ZNF438: variants seen among roughly 807,000 people sequenced by gnomAD.
ZNF438 encodes the protein zinc finger protein 438.
A neutral mutation model predicts 38.0 loss-of-function variants in ZNF438; 25 were observed. The observed-to-expected ratio is 0.66, with a 90% CI of 0.48 to 0.92. The LOEUF is 0.92. ZNF438 is among the 40% of genes least tolerant of loss of function. The pLI is 0.00. For missense variants in ZNF438, 1,007 were observed against 999.6 expected (o/e 1.01, Z -0.10); for synonymous variants, 372 against 364.1 (o/e 1.02, Z -0.25).
Position 30,861,064 on chromosome 10 carries a change from T to C in ZNF438, c.38-10697A>G, listed in dbSNP as rs1202295825. Among the ~76,000 whole-genome samples the C allele has an allele frequency of 2.6e-5, 4 of 152,244 alleles. No individual in the cohort carries two copies. The East Asian group carries it at 7.7e-4, about 29-fold the overall frequency. The stretch of plus-strand genomic sequence containing the variant: ...AGCCCCTAAAATGGACTAAATGAGA[T>C]ATATAAATACAGTTGTCCCTTACCA... On this transcript the variant is annotated intron_variant, in intron 4 of 5. Coordinates refer to ENST00000413025, the Ensembl canonical transcript of ZNF438.
In ZNF438 at chr10:30,849,458, C is replaced by T. The variant is rs781336854; in HGVS notation, c.947G>A (p.Gly316Asp). ...GGCCTTAGGTCCTGGTAAAGAAAAA[C>T]CTGCAATGTTAGCATCTGATTTGAT... Residue 316 changes from glycine to aspartate, a missense_variant, in exon 5 of 6, where the codon GGT (glycine) becomes GAT (aspartate). Physicochemically the swap from Gly to Asp is moderately conservative, Grantham distance 94. Transcript: ENST00000413025. 6.8e-6 allele frequency: 11 copies of T among 1,614,062 alleles called. No individual in the cohort carries two copies. In the East Asian group the frequency reaches 2.5e-4, roughly 36 times the overall value.
chr10:30,905,293 T>C (rs1322259972), intron 3 of ZNF438, among the ~76,000 whole-genome samples: 1 of 152,242 alleles, frequency 6.6e-6, no homozygotes, highest in African/African-American at 2.4e-5. Context: ...TTTTTGTCCA[T>C]ATTTAAATTA....
At chr10:30,862,710 T>C (rs529645997) in intron 4 of ZNF438, among the ~76,000 whole-genome samples, 12 of 152,274 alleles carry the variant, frequency 7.9e-5, no homozygotes, top group African/African-American at 2.4e-4. Flanking sequence ...AACAGAAAGA[T>C]AAGGTTTCAA....
chr10:30,928,561 C>CAAA (rs574963145), intron 2 of ZNF438, among the ~76,000 whole-genome samples: 313 of 109,494 alleles, frequency 2.9e-3, no homozygotes, highest in Non-Finnish European at 3.8e-3. Context: ...AACGTTTGGA[C>CAAA]AAAAAAAAAA....
intron 1 of ZNF438, among the ~76,000 whole-genome samples, chr10:30,949,761 C>T (rs1205934157): frequency 6.6e-6 from 1 of 151,596 alleles, no homozygotes; most frequent in Non-Finnish European, 1.5e-5. Flanking sequence ...TCCTGAGTGA[C>T]CTACAAAGAG....
intron 4 of ZNF438, among the ~76,000 whole-genome samples, chr10:30,853,097 A>G (rs1318255915): frequency 6.6e-6 from 1 of 152,206 alleles, no homozygotes; most frequent in Non-Finnish European, 1.5e-5. Context: ...TTAATAAATA[A>G]TTACATTAAC....
chr10:30,869,171 G>A (rs2036962731), intron 4 of ZNF438, among the ~76,000 whole-genome samples: 1 of 152,168 alleles, frequency 6.6e-6, no homozygotes, highest in Admixed American at 6.5e-5. Flanking sequence ...TCAGGAGTTT[G>A]AGACCAGCCT....
At chr10:30,926,399 C>T (rs1316515769) in intron 2 of ZNF438, among the ~76,000 whole-genome samples, 1 of 152,122 alleles carries the variant, frequency 6.6e-6, no homozygotes, top group Non-Finnish European at 1.5e-5. Flanking sequence ...TAGGCGCAGT[C>T]GCTCACATCT....
intron 3 of ZNF438, among the ~76,000 whole-genome samples, chr10:30,905,367 T>G (rs537744363): frequency 6.6e-6 from 1 of 152,346 alleles, no homozygotes; most frequent in African/African-American, 2.4e-5. Flanking sequence ...CTAACGACGT[T>G]GCACATCTTT....
chr10:30,859,406 C>T (rs2035217862), intron 4 of ZNF438, among the ~76,000 whole-genome samples: 1 of 152,168 alleles, frequency 6.6e-6, no homozygotes, highest in Non-Finnish European at 1.5e-5. Context: ...TTTCTAAGCT[C>T]ATAAGTAACA....
At chr10:30,878,679 G>A (rs982839273) in intron 3 of ZNF438, among the ~76,000 whole-genome samples, 3 of 152,114 alleles carry the variant, frequency 2.0e-5, no homozygotes, top group Non-Finnish European at 2.9e-5. Flanking sequence ...GTCCATAAAC[G>A]GTAAAGCTAA....
intron 3 of ZNF438, among the ~76,000 whole-genome samples, chr10:30,897,300 G>C (rs1589074410): frequency 6.6e-6 from 1 of 152,170 alleles, no homozygotes; most frequent in African/African-American, 2.4e-5. Context: ...TATCAACACA[G>C]CCACTCTGAA....
chr10:31,020,708 A>C (rs886445880), intron 1 of ZNF438, among the ~76,000 whole-genome samples: 1 of 62,388 alleles, frequency 1.6e-5, no homozygotes, highest in Middle Eastern at 7.4e-3. Context: ...CAGTGTTTGA[A>C]TATCTTTTAG....
At chr10:30,942,993 A>G (rs939968878) in intron 1 of ZNF438, among the ~76,000 whole-genome samples, 9 of 152,248 alleles carry the variant, frequency 5.9e-5, no homozygotes, top group Non-Finnish European at 1.0e-4. Context: ...AATAAAAGTA[A>G]ACAAAGACTT....
In ZNF438 at chr10:30,910,154, C is replaced by CAATT. The variant is rs59015170; in HGVS notation, c.-114-1143_-114-1140dup. 5.9e-3 allele frequency among the ~76,000 whole-genome samples: 898 copies of CAATT among 152,082 alleles called. 8 individuals are homozygous for CAATT. Among genetic ancestry groups the CAATT allele is most frequent in the African/African-American group, 0.021 (865 of 41,466 alleles). ...CAGGTTTTCCTAGGGTGTTAGAGTA[C>CAATT]AATTACCTTGTGTACTTGGTAAAGG... On this transcript the variant is annotated intron_variant, in intron 2 of 5. Transcript: ENST00000413025.
chr10:30,963,709 G>T (rs775298510), intron 1 of ZNF438, among the ~76,000 whole-genome samples: 2 of 151,878 alleles, frequency 1.3e-5, no homozygotes, highest in African/African-American at 4.8e-5. Context: ...GTGAAACTCC[G>T]TCTCTACTAA....
intron 2 of ZNF438, among the ~76,000 whole-genome samples, chr10:30,917,242 C>G (rs1161971370): frequency 6.6e-6 from 1 of 152,052 alleles, no homozygotes; most frequent in African/African-American, 2.4e-5. Flanking sequence ...CATTCTCTTA[C>G]TGATGGGAAG....
intron 1 of ZNF438, among the ~76,000 whole-genome samples, chr10:30,964,381 C>T (rs1276276453): frequency 6.6e-6 from 1 of 152,178 alleles, no homozygotes; most frequent in Non-Finnish European, 1.5e-5. Context: ...TCTCACTTAG[C>T]TCATAACTAT....
At chr10:30,897,328 T>G (rs954497391) in intron 3 of ZNF438, among the ~76,000 whole-genome samples, 2 of 152,222 alleles carry the variant, frequency 1.3e-5, no homozygotes, top group Admixed American at 6.5e-5. Context: ...TCTGGTTAAC[T>G]TCTTTCTATA....
Sources: gnomAD v4.1 joint callset for allele counts (sites outside exome capture counted in the v4.1 genomes callset) on GRCh38, gnomAD v4.1.1 for gene constraint, MANE v1.5 for transcripts, NCBI Gene and HGNC (gene_info 2026-07-23, HGNC 2026-07-21) for gene names.